Variants in ADAMTS20 observed in about 807,000 individuals in gnomAD.
ADAMTS20 encodes A disintegrin and metalloproteinase with thrombospondin motifs 20.
In ADAMTS20, 225 loss-of-function variants were observed where a neutral mutation model predicts 260.1. That is an observed-to-expected ratio of 0.87 (90% CI 0.78 to 0.97). ADAMTS20 has a LOEUF of 0.97. Among genes scored for constraint, ADAMTS20 ranks in the 50% least tolerant of loss-of-function variants. The pLI, the probability that ADAMTS20 is intolerant of heterozygous loss-of-function variation, is 0.00. For synonymous variants in ADAMTS20, 802 were observed against 769.5 expected (o/e 1.04, Z -0.70); for missense variants, 2,400 against 2,337.7 (o/e 1.03, Z -0.55).
chr12:43,539,682 A>G (rs1331612542), intron 2 of ADAMTS20, among the ~76,000 whole-genome samples: 1 of 152,164 alleles, frequency 6.6e-6, no homozygotes, highest in Non-Finnish European at 1.5e-5. Context: ...ATTGTTTTGC[A>G]ACCTGAGTAC....
At chr12:43,405,227 T>TAAAAAAAAAAAAAA (rs1565683116) in intron 28 of ADAMTS20, among the ~76,000 whole-genome samples, 1 of 11,542 alleles carries the variant, frequency 8.7e-5, no homozygotes, top group African/African-American at 2.4e-4. Flanking sequence ...ACCTCATCTC[T>TAAAAAAAAAAAAAA]ACAAAAAAAA....
intron 29 of ADAMTS20, among the ~76,000 whole-genome samples, chr12:43,395,802 T>C (rs1394740867): frequency 1.3e-5 from 2 of 150,996 alleles, no homozygotes; most frequent in Non-Finnish European, 2.9e-5. Context: ...CCAAGGTAAT[T>C]AAGAATGCAC....
intron 4 of ADAMTS20, among the ~76,000 whole-genome samples, chr12:43,501,503 ATGTAAGGATGAAGCGTGATGC>A (rs1942766582): frequency 1.0e-5 from 1 of 96,944 alleles, no homozygotes; most frequent in Non-Finnish European, 2.2e-5. Flanking sequence ...ACACACACAC[ATGTAAGGATGAAGCGTGATGC>A]CACTTACACA....
At chr12:43,355,096 G>T (rs924565409) in intron 38 of ADAMTS20, among the ~76,000 whole-genome samples, 21 of 147,992 alleles carry the variant, frequency 1.4e-4, no homozygotes, top group Non-Finnish European at 3.1e-4. Context: ...AGTAAAGATA[G>T]AGAAGAAAAC....
intron 3 of ADAMTS20, among the ~76,000 whole-genome samples, chr12:43,507,409 C>G (rs1293360264): frequency 6.6e-6 from 1 of 152,114 alleles, no homozygotes. Context: ...CGGCCCTCAT[C>G]TAAGAAGAGA....
chr12:43,362,548 T>G (rs927526718), intron 37 of ADAMTS20, among the ~76,000 whole-genome samples: 3 of 152,072 alleles, frequency 2.0e-5, no homozygotes, highest in Non-Finnish European at 4.4e-5. Context: ...ACTTCTAGAA[T>G]GGTGATGTGA....
chr12:43,502,988 T>C (rs1329601497), intron 3 of ADAMTS20, among the ~76,000 whole-genome samples: 1 of 152,236 alleles, frequency 6.6e-6, no homozygotes, highest in Non-Finnish European at 1.5e-5. Flanking sequence ...ATAAAATACC[T>C]GATTTATTAT....
chr12:43,403,133 C>G (rs894223337), intron 28 of ADAMTS20, among the ~76,000 whole-genome samples: 3 of 152,042 alleles, frequency 2.0e-5, no homozygotes, highest in African/African-American at 7.2e-5. Flanking sequence ...AATTAGTCCC[C>G]TCTAACATGA....
intron 3 of ADAMTS20, among the ~76,000 whole-genome samples, chr12:43,506,185 A>G (rs1942839300): frequency 6.6e-6 from 1 of 152,178 alleles, no homozygotes; most frequent in African/African-American, 2.4e-5. Context: ...GTGACATATG[A>G]CAACATGAAT....
At chr12:43,516,188 C>A (rs1409260650) in intron 3 of ADAMTS20, among the ~76,000 whole-genome samples, 1 of 152,148 alleles carries the variant, frequency 6.6e-6, no homozygotes, top group Non-Finnish European at 1.5e-5. Flanking sequence ...AACATATGAC[C>A]TTTACAAATT....
intron 4 of ADAMTS20, 45 bp from the exon 5 acceptor site, chr12:43,493,298 T>G: frequency 3.0e-6 from 4 of 1,353,488 alleles, no homozygotes; most frequent in Non-Finnish European, 4.1e-6. Context: ...AAATGAATAT[T>G]TCTTCTCAAA....
intron 28 of ADAMTS20, among the ~76,000 whole-genome samples, chr12:43,411,393 G>A (rs1004058517): frequency 4.0e-5 from 6 of 151,558 alleles, no homozygotes; most frequent in African/African-American, 1.2e-4. Context: ...TTCAGACAAA[G>A]TTTCGCTCTT....
chr12:43,541,419 G>C (rs375568918), intron 2 of ADAMTS20, among the ~76,000 whole-genome samples: 1 of 152,072 alleles, frequency 6.6e-6, no homozygotes, highest in Non-Finnish European at 1.5e-5. Context: ...AATAATAGGA[G>C]CTTCAATAAT....
At chr12:43,392,359 TA>T (rs1592044804) in intron 29 of ADAMTS20, among the ~76,000 whole-genome samples, 2 of 152,252 alleles carry the variant, frequency 1.3e-5, no homozygotes, top group East Asian at 3.9e-4. Flanking sequence ...CAAGAAGTTC[TA>T]TTAGATAAAT....
chr12:43,364,220 G>A (rs1042778885), intron 37 of ADAMTS20, among the ~76,000 whole-genome samples: 3 of 151,990 alleles, frequency 2.0e-5, no homozygotes, highest in Non-Finnish European at 2.9e-5. Context: ...AGAAGTAAAC[G>A]ATAACCATAA....
chr12:43,479,310 GTAAA>G (rs1433662917), intron 7 of ADAMTS20, among the ~76,000 whole-genome samples: 1 of 152,102 alleles, frequency 6.6e-6, no homozygotes, highest in Non-Finnish European at 1.5e-5. Context: ...AATGTAATTA[GTAAA>G]TAAATAGTTG....
chr12:43,386,405 G>A (rs956734606), intron 29 of ADAMTS20, among the ~76,000 whole-genome samples: 6 of 152,110 alleles, frequency 3.9e-5, no homozygotes, highest in African/African-American at 1.4e-4. Flanking sequence ...ATTCTCTCTG[G>A]CTGTCCTTAA....
rs55972447 is a variant in ADAMTS20, at chr12:43,523,855, C to A, written c.613+8181G>T. 7.8e-3 allele frequency among the ~76,000 whole-genome samples: 950 copies of A among 122,404 alleles called. 16 individuals carry two copies. The highest frequency in any genetic ancestry group is 0.025 in the Middle Eastern group (6 of 238). 80.3% of individuals were successfully genotyped at this position (122,404 alleles called of 152,430 possible). The stretch of plus-strand genomic sequence containing the variant: ...CAGCCCCCAGCTGGCTTTGTCCATG[C>A]CCCAGCACCCCCCTCCCCCAACCAC... On this transcript the variant is annotated intron_variant, in intron 3 of 38. Coordinates refer to ENST00000389420, the MANE Select transcript of ADAMTS20 (RefSeq NM_025003.5).
In ADAMTS20 at chr12:43,432,474, T is replaced by TAA. The variant is rs201811876; in HGVS notation, c.2932-8_2932-7dup. 2.2e-3 allele frequency: 2,786 copies of TAA among 1,290,074 alleles called. No individual in the cohort carries two copies. Among genetic ancestry groups the TAA allele is most frequent in the East Asian group, 0.021 (793 of 37,546 alleles). The allele number at this position is 1,290,074 out of a possible 1,614,324, so 79.9% of individuals were successfully genotyped here. The stretch of plus-strand genomic sequence containing the variant: ...CCTCCACAACTCCTGGAACACTGAT[T>TAA]AAAAAAAAAAAAGTGGTAACTAATG... On this transcript the variant is annotated splice_region_variant and splice_polypyrimidine_tract_variant and intron_variant, in intron 20 of 38. Transcript: ENST00000389420.
Sources: gnomAD v4.1 joint callset for allele counts (sites outside exome capture counted in the v4.1 genomes callset) on GRCh38, gnomAD v4.1.1 for gene constraint, MANE v1.5 for transcripts, NCBI Gene and HGNC (gene_info 2026-07-23, HGNC 2026-07-21) for gene names.